CELF4: variants seen among roughly 807,000 people sequenced by gnomAD.
The protein encoded by CELF4 is CUGBP Elav-like family member 4.
In CELF4, 18 loss-of-function variants were observed where a neutral mutation model predicts 59.9. That is an observed-to-expected ratio of 0.30 (90% confidence interval 0.21 to 0.45). The LOEUF (loss-of-function observed/expected upper bound fraction) is 0.45, where lower values mean the gene tolerates loss of function less well. Ranked by LOEUF, CELF4 falls within the 20% of genes least tolerant of loss-of-function variation. CELF4 has a pLI of 1.00. For missense variants in CELF4, 456 were observed against 689.0 expected (o/e 0.66, Z 3.79); for synonymous variants, 261 against 267.1 (o/e 0.98, Z 0.22).
At chr18:37,283,052 C>T (rs1303198700) in intron 3 of CELF4, among the ~76,000 whole-genome samples, 2 of 152,068 alleles carry the variant, frequency 1.3e-5, no homozygotes, top group South Asian at 2.1e-4. Context: ...TGCTCTTCCC[C>T]GCCCCCAAGG....
chr18:37,447,886 G>A (rs1414399564), intron 2 of CELF4, among the ~76,000 whole-genome samples: 1 of 152,112 alleles, frequency 6.6e-6, no homozygotes, highest in South Asian at 2.1e-4. Context: ...ACAGCCAGAT[G>A]GCCAGCACCA....
In CELF4 at chr18:37,300,477, G is replaced by A. The variant is rs143594717; in HGVS notation, c.448+21326C>T. 4.7e-3 allele frequency among the ~76,000 whole-genome samples: 711 copies of A among 152,180 alleles called. 5 individuals are homozygous for A. The highest frequency in any genetic ancestry group is 0.016 in the African/African-American group (660 of 41,506). On this transcript the variant is annotated intron_variant, in intron 3 of 12. Coordinates refer to ENST00000420428, the MANE Select transcript of CELF4 (RefSeq NM_020180.4). ...TGACCTCAGGTGATCCTCCCGCCTC[G>A]GCCTCCCAAAGTGCTGGGATTACAG...
At chr18:37,329,844 T>C (rs1305840638) in intron 2 of CELF4, among the ~76,000 whole-genome samples, 1 of 152,248 alleles carries the variant, frequency 6.6e-6, no homozygotes, top group Non-Finnish European at 1.5e-5. Context: ...GGGCCCTGTG[T>C]GGCCACATGG....
At chr18:37,296,768 C>T (rs894772) in intron 3 of CELF4, among the ~76,000 whole-genome samples, 72,986 of 151,930 alleles carry the variant, frequency 0.48, 17,960 homozygotes, top group South Asian at 0.62. Context: ...GCCCCATTGA[C>T]GGTCCAGCAT....
intron 2 of CELF4, among the ~76,000 whole-genome samples, chr18:37,342,233 GCACACACACACACA>G (rs56845978): frequency 2.7e-5 from 4 of 146,048 alleles, no homozygotes; most frequent in African/African-American, 7.6e-5. Context: ...AACAGCACAT[GCACACACACACACA>G]CACACACACA....
chr18:37,334,774 T>C (rs1411580931), intron 2 of CELF4, among the ~76,000 whole-genome samples: 2 of 151,924 alleles, frequency 1.3e-5, no homozygotes, highest in South Asian at 2.1e-4. Flanking sequence ...GCCTCAATCT[T>C]AGGCCTGGAG....
intron 2 of CELF4, among the ~76,000 whole-genome samples, chr18:37,470,931 T>A (rs2099822736): frequency 8.9e-6 from 1 of 112,936 alleles, no homozygotes; most frequent in Non-Finnish European, 2.0e-5. Context: ...GTGGAGCCTC[T>A]TTCTTTACAT....
At chr18:37,508,452 C>A (rs946780013) in intron 1 of CELF4, among the ~76,000 whole-genome samples, 1 of 152,228 alleles carries the variant, frequency 6.6e-6, no homozygotes, top group Non-Finnish European at 1.5e-5. Context: ...GTGGTCTCAT[C>A]ACACACTCAG....
rs115222970 is a variant in CELF4 at position 37,390,181 on chromosome 18, C to T, written c.370-68300G>A. The stretch of plus-strand genomic sequence containing the variant: ...TAGGTGGCATATGTCCATGAGCGTG[C>T]GCCACATGGGAGCCTGCAGCGTGGG... On this transcript the variant is annotated intron_variant, in intron 2 of 12. Transcript: ENST00000420428. Among the ~76,000 whole-genome samples, 321 of 152,308 alleles carry T rather than the reference C, an allele frequency of 2.1e-3. 1 individual carries two copies. The highest frequency in any genetic ancestry group is 6.9e-3 in the African/African-American group (287 of 41,560).
At chr18:37,462,441 G>A (rs75598919) in intron 2 of CELF4, among the ~76,000 whole-genome samples, 147 of 152,296 alleles carry the variant, frequency 9.7e-4, no homozygotes, top group Non-Finnish European at 1.7e-3. Flanking sequence ...GGCCCTGCAG[G>A]CATTGTCCGA....
At chr18:37,481,263 TC>T in intron 2 of CELF4, among the ~76,000 whole-genome samples, 1 of 152,144 alleles carries the variant, frequency 6.6e-6, no homozygotes, top group South Asian at 2.1e-4. Context: ...AGCTCCCACT[TC>T]CCCCACCCCC....
In CELF4 at chr18:37,243,973, C is replaced by T; in HGVS notation, c.*1269G>A. 5.9e-6 allele frequency: 1 copy of T among 169,762 alleles called. No homozygotes were observed. Among genetic ancestry groups the T allele is most frequent in the Non-Finnish European group, 1.3e-5 (1 of 78,480 alleles). 10.5% of individuals were successfully genotyped at this position (169,762 alleles called of 1,614,324 possible). A position where few individuals can be genotyped will look rare whatever the true frequency, so the allele number is the denominator to read the frequency against. On this transcript the variant is annotated 3_prime_UTR_variant, in exon 13 of 13. Transcript: ENST00000420428. ...TCCCGACCGACGGCGTGGCCTCCAC[C>T]GGCGTCGGCAGCCAGGCGCCCGCAG... is the stretch of plus-strand genomic sequence containing the variant.
At chr18:37,413,786 C>T (rs779525112) in intron 2 of CELF4, among the ~76,000 whole-genome samples, 1 of 152,206 alleles carries the variant, frequency 6.6e-6, no homozygotes, top group Non-Finnish European at 1.5e-5. Flanking sequence ...GCCTATCATC[C>T]TCCCTTATGT....
intron 3 of CELF4, among the ~76,000 whole-genome samples, chr18:37,294,355 G>A (rs1051555914): frequency 2.0e-5 from 3 of 152,184 alleles, no homozygotes; most frequent in African/African-American, 7.2e-5. Context: ...GGCCATAGAT[G>A]TCACCAGGAA....
chr18:37,559,170 G>A (rs1465680664), intron 1 of CELF4, among the ~76,000 whole-genome samples: 2 of 152,104 alleles, frequency 1.3e-5, no homozygotes, highest in African/African-American at 4.8e-5. Flanking sequence ...GATGAGGACA[G>A]CATCATTCTT....
chr18:37,505,777 T>C (rs2099937133), intron 1 of CELF4, among the ~76,000 whole-genome samples: 1 of 152,192 alleles, frequency 6.6e-6, no homozygotes, highest in Non-Finnish European at 1.5e-5. Flanking sequence ...GGGGGATCGA[T>C]AGTGTGAACT....
intron 2 of CELF4, among the ~76,000 whole-genome samples, chr18:37,459,679 G>A (rs1386476770): frequency 6.6e-6 from 1 of 152,152 alleles, no homozygotes; most frequent in African/African-American, 2.4e-5. Flanking sequence ...CTGGAGGGAT[G>A]CATGCCGATC....
rs769828279 is a variant in CELF4, at chr18:37,253,962, G to T, written c.1334-24C>A. 2 of 1,586,306 alleles carry T rather than the reference G, an allele frequency of 1.3e-6. No individual in the cohort carries two copies. The highest frequency in any genetic ancestry group is 2.4e-5 in the East Asian group (1 of 42,330). On this transcript the variant is annotated intron_variant, in intron 11 of 12. Coordinates refer to ENST00000420428, the MANE Select transcript of CELF4 (RefSeq NM_020180.4). The surrounding 1 kb of genome is among the most constrained non-coding windows in gnomAD (Gnocchi z 4.5). ...GCCTGGCGAGACACGAGGGACGAGGGCCTGGGTTTCCACGGGGCCGCCCGG... is the reference window on the plus strand; with the variant it reads ...GCCTGGCGAGACACGAGGGACGAGGTCCTGGGTTTCCACGGGGCCGCCCGG...
At chr18:37,278,457 G>A (rs2093685238) in intron 3 of CELF4, among the ~76,000 whole-genome samples, 1 of 152,244 alleles carries the variant, frequency 6.6e-6, no homozygotes, top group Non-Finnish European at 1.5e-5. Flanking sequence ...AGGGGCTGGA[G>A]GGACTTTGAG....
Sources: allele counts gnomAD v4.1 joint callset (sites outside exome capture counted in the v4.1 genomes callset), GRCh38; gene constraint gnomAD v4.1.1; non-coding constraint Gnocchi (gnomAD v3.1); transcripts MANE v1.5; gene names NCBI Gene and HGNC (gene_info 2026-07-23, HGNC 2026-07-21).